Variants in PUS10 observed in about 807,000 individuals in gnomAD.
PUS10 encodes tRNA pseudouridine synthase Pus10.
PUS10 carries 59 observed loss-of-function variants against 75.0 expected under a neutral mutation model. That is an observed-to-expected ratio of 0.79 (90% CI 0.64 to 0.98). The LOEUF (loss-of-function observed/expected upper bound fraction) is 0.98, where lower values mean the gene tolerates loss of function less well. PUS10 is among the 50% of genes least tolerant of loss of function. The pLI, the probability that PUS10 is intolerant of heterozygous loss-of-function variation, is 0.00. For missense variants in PUS10, 650 were observed against 614.4 expected, an observed-to-expected ratio of 1.06 and a Z score of -0.61; for synonymous variants, 219 against 211.6, an observed-to-expected ratio of 1.03 and a Z score of -0.30.
chr2:60,986,433 T>C (rs898513573), intron 4 of PUS10, among the ~76,000 whole-genome samples: 1 of 152,204 alleles, frequency 6.6e-6, no homozygotes, highest in Non-Finnish European at 1.5e-5. Flanking sequence ...AGCTAAATTT[T>C]AGAGGTATTA....
chr2:61,016,436 A>G (rs1679982224), intron 1 of PUS10, among the ~76,000 whole-genome samples: 1 of 152,242 alleles, frequency 6.6e-6, no homozygotes, highest in Non-Finnish European at 1.5e-5. Flanking sequence ...CCAGGATTTC[A>G]TAAGATATTA....
rs188951974 is a variant in PUS10, at chr2:61,002,675, T to C, written c.468+3882A>G. On this transcript the variant is annotated intron_variant, in intron 4 of 17. Coordinates refer to ENST00000316752, the MANE Select transcript of PUS10 (RefSeq NM_144709.4). ...CCATATCACACTACTACATCTTTCC[T>C]CTTAACAAATCCGAGCCTTATAAGA... 7.9e-5 allele frequency among the ~76,000 whole-genome samples: 12 copies of C among 152,344 alleles called. No homozygotes were observed. In the East Asian group the frequency reaches 2.3e-3, roughly 29 times the overall value.
At chr2:61,006,338 A>C (rs757567313) in intron 4 of PUS10, among the ~76,000 whole-genome samples, 7 of 152,248 alleles carry the variant, frequency 4.6e-5, no homozygotes, top group Non-Finnish European at 1.0e-4. Flanking sequence ...TGGCAGTCCT[A>C]GGACAAACTA....
At chr2:60,991,045 A>G (rs1055539769) in intron 4 of PUS10, among the ~76,000 whole-genome samples, 7 of 151,804 alleles carry the variant, frequency 4.6e-5, no homozygotes, top group African/African-American at 1.7e-4. Context: ...GCCTGGCCTA[A>G]CATTTTATTT....
intron 4 of PUS10, among the ~76,000 whole-genome samples, chr2:60,974,610 C>T (rs1206667310): frequency 6.6e-6 from 1 of 152,212 alleles, no homozygotes; most frequent in Admixed American, 6.5e-5. Flanking sequence ...CAGGGCGTGA[C>T]ACCCTCTTTA....
intron 10 of PUS10, 96 bp from the exon 11 acceptor site, chr2:60,960,613 G>T: frequency 8.6e-7 from 1 of 1,161,812 alleles, no homozygotes; most frequent in Non-Finnish European, 1.2e-6. Context: ...AATATCCTAA[G>T]TGCTACGATA....
At chr2:61,015,732 G>A (rs1245275832) in intron 1 of PUS10, among the ~76,000 whole-genome samples, 1 of 151,962 alleles carries the variant, frequency 6.6e-6, no homozygotes, top group Non-Finnish European at 1.5e-5. Context: ...TGTGGTCAAG[G>A]TCAAGTCATT....
chr2:60,944,303 T>C, intron 17 of PUS10: 1 of 765,874 alleles, frequency 1.3e-6, no homozygotes, highest in Non-Finnish European at 1.6e-6. Flanking sequence ...GAAGTAATAC[T>C]CCAGTGATCA....
intron 2 of PUS10, 37 bp from the exon 3 acceptor site, chr2:61,009,052 G>A (rs1308775991): frequency 6.4e-7 from 1 of 1,571,822 alleles, no homozygotes; most frequent in South Asian, 1.2e-5. Context: ...ATGACCCACT[G>A]ACAATGTCCT....
chr2:60,956,974 C>CAAAAAAAAAAAAAAAAAAA (rs56804354), intron 11 of PUS10, among the ~76,000 whole-genome samples: 2 of 19,254 alleles, frequency 1.0e-4, no homozygotes, highest in African/African-American at 3.2e-4. Flanking sequence ...GACTCCATCT[C>CAAAAAAAAAAAAAAAAAAA]AAAAAAAAAA....
intron 5 of PUS10, 102 bp from the exon 6 acceptor site, chr2:60,967,715 A>G: frequency 1.8e-5 from 13 of 726,108 alleles, no homozygotes; most frequent in Non-Finnish European, 3.0e-5. Flanking sequence ...TTGAGTGCCT[A>G]GTATGTACCA....
chr2:61,013,744 G>A (rs57873745), intron 1 of PUS10, among the ~76,000 whole-genome samples: 10,027 of 152,186 alleles, frequency 0.066, 1,123 homozygotes, highest in African/African-American at 0.23. Flanking sequence ...ACAAATTGAG[G>A]CCGGGTGCAG....
intron 4 of PUS10, among the ~76,000 whole-genome samples, chr2:61,004,265 T>G (rs1183559932): frequency 6.6e-6 from 1 of 152,160 alleles, no homozygotes; most frequent in Non-Finnish European, 1.5e-5. Flanking sequence ...AAAAGCAATT[T>G]CTATCCAACC....
At chr2:61,014,015 G>C (rs775805106) in intron 1 of PUS10, among the ~76,000 whole-genome samples, 1 of 151,936 alleles carries the variant, frequency 6.6e-6, no homozygotes, top group Non-Finnish European at 1.5e-5. Context: ...ACTTTACTTT[G>C]ATTATATGAC....
In PUS10 at chr2:60,983,949, C is replaced by T. The variant is rs576268301; in HGVS notation, c.469-12392G>A. 5.3e-5 allele frequency among the ~76,000 whole-genome samples: 8 copies of T among 151,932 alleles called. No individual in the cohort carries two copies. The East Asian group carries it at 1.5e-3, about 29-fold the overall frequency. On this transcript the variant is annotated intron_variant, in intron 4 of 17. Transcript: ENST00000316752. ...CACACCTACAAACATGCATATATTA[C>T]TTTCCTAATAGCCAAAGAAAAAAAA...
intron 4 of PUS10, among the ~76,000 whole-genome samples, chr2:60,995,762 T>C (rs1005110435): frequency 2.0e-5 from 3 of 152,216 alleles, no homozygotes; most frequent in Admixed American, 1.3e-4. Context: ...CCATTTCTTA[T>C]TGTAAATTTT....
intron 16 of PUS10, 55 bp from the exon 17 acceptor site, chr2:60,945,163 A>AC: frequency 7.3e-6 from 8 of 1,090,488 alleles, no homozygotes; most frequent in Non-Finnish European, 1.1e-5. Flanking sequence ...ACTATTTGGT[A>AC]AGATTTGACA....
chr2:60,981,822 T>C (rs2104495910), intron 4 of PUS10, among the ~76,000 whole-genome samples: 1 of 152,292 alleles, frequency 6.6e-6, no homozygotes, highest in African/African-American at 2.4e-5. Flanking sequence ...AAAACTCCAC[T>C]GTATACTCTT....
chr2:60,943,089 A>G (rs1214719183), intron 17 of PUS10, among the ~76,000 whole-genome samples: 1 of 151,968 alleles, frequency 6.6e-6, no homozygotes, highest in East Asian at 1.9e-4. Context: ...AACAAATTCA[A>G]GTGACCACCA....
Sources: gnomAD v4.1 joint callset for allele counts (sites outside exome capture counted in the v4.1 genomes callset) on GRCh38, gnomAD v4.1.1 for gene constraint, MANE v1.5 for transcripts, NCBI Gene and HGNC (gene_info 2026-07-23, HGNC 2026-07-21) for gene names.